The following UGT1A4 variants were observed in gnomAD, a reference collection of about 807,000 sequenced individuals.
UGT1A4 encodes UDP-glucuronosyltransferase 1A4.
In UGT1A4, 32 loss-of-function variants were observed where a neutral mutation model predicts 41.1. The ratio of observed to expected loss-of-function variants is 0.78; its 90% CI spans 0.59 to 1.05. The LOEUF is 1.05. Ranked by LOEUF, UGT1A4 falls within the 50% of genes least tolerant of loss-of-function variation. The probability of loss-of-function intolerance (pLI) is 0.00; values close to 1 mark genes in which losing one functional copy is unlikely to be tolerated. For missense variants in UGT1A4, 748 were observed against 677.4 expected (o/e 1.10, Z -1.16); for synonymous variants, 283 against 265.1 (o/e 1.07, Z -0.66).
Position 233,729,749 on chromosome 2 carries a change from T to C in UGT1A4, c.867+10062T>C, listed in dbSNP as rs747302247. On this transcript the variant is annotated intron_variant, in intron 1 of 4. Coordinates refer to ENST00000373409, the MANE Select transcript of UGT1A4 (RefSeq NM_007120.3). ...ACCAATTCAGACCACATGACATTCA[T>C]GCAAAGGGTCAAGAACATGCTCTAC... The C allele has an allele frequency of 6.2e-6, 10 of 1,613,882 alleles. No homozygotes were observed. In the Admixed American group the frequency reaches 8.3e-5, roughly 13 times the overall value.
intron 1 of UGT1A4, among the ~76,000 whole-genome samples, chr2:233,757,694 G>A (rs757732265): frequency 2.0e-5 from 3 of 151,666 alleles, no homozygotes; most frequent in Non-Finnish European, 4.4e-5. Flanking sequence ...ATTCAAGGAA[G>A]GTGGCTTTGC....
chr2:233,729,355 C>T (rs144116440), intron 1 of UGT1A4: 167 of 1,614,046 alleles, frequency 1.0e-4, no homozygotes, highest in Non-Finnish European at 4.3e-5. Context: ...CTTTTTCACC[C>T]TGACAACCTA....
chr2:233,760,224 G>A, intron 1 of UGT1A4: 1 of 1,586,310 alleles, frequency 6.3e-7, no homozygotes. Flanking sequence ...TGTATCGATT[G>A]GTTTTTGCCA....
intron 4 of UGT1A4, 76 bp from the exon 5 acceptor site, chr2:233,772,186 A>G (rs1281313129): frequency 2.5e-6 from 4 of 1,593,838 alleles, no homozygotes; most frequent in Non-Finnish European, 2.6e-6. Flanking sequence ...AGTCTTCTTA[A>G]GCAGCCATGA....
In UGT1A4 at chr2:233,772,200, TAAAG is replaced by T. The variant is rs1700482093; in HGVS notation, c.1308-60_1308-57del. On this transcript the variant is annotated intron_variant, in intron 4 of 4. Coordinates refer to ENST00000373409, the MANE Select transcript of UGT1A4 (RefSeq NM_007120.3). ...TAGTCTTCTTAAGCAGCCATGAGCATAAAGAGAGGATTGTTCATACCACAGGTGT... is the reference window on the plus strand; with the variant it reads ...TAGTCTTCTTAAGCAGCCATGAGCATAGAGGATTGTTCATACCACAGGTGT... The T allele has an allele frequency of 6.8e-6, 11 of 1,606,074 alleles. No individual in the cohort carries two copies. In the South Asian group the frequency reaches 1.0e-4, roughly 15 times the overall value.
chr2:233,761,815 G>A (rs928491400), intron 1 of UGT1A4, among the ~76,000 whole-genome samples: 1 of 152,190 alleles, frequency 6.6e-6, no homozygotes, highest in African/African-American at 2.4e-5. Context: ...GAACAGGAGA[G>A]GCTCCTTCAG....
chr2:233,725,324 T>TAACAA lies in UGT1A4; in HGVS notation c.867+5637_867+5638insAACAA, dbSNP rs1473131454. Among the ~76,000 whole-genome samples, 2 of 93,548 alleles carry TAACAA rather than the reference T, an allele frequency of 2.1e-5. 1 individual carries two copies. Among genetic ancestry groups the TAACAA allele is most frequent in the Non-Finnish European group, 4.5e-5 (2 of 44,118 alleles). 61.4% of individuals were successfully genotyped at this position (93,548 alleles called of 152,430 possible). A position where few individuals can be genotyped will look rare whatever the true frequency, so the allele number is the denominator to read the frequency against. ...CAGAGGCAGAGGCAGAGGCGCCTGG[T>TAACAA]CAACAATCTTAAGTCCAATAAGAAT... On this transcript the variant is annotated intron_variant, in intron 1 of 4. Coordinates refer to ENST00000373409, the MANE Select transcript of UGT1A4 (RefSeq NM_007120.3).
At chr2:233,748,100 CCAAT>C (rs1693866670) in intron 1 of UGT1A4, 1 of 1,612,644 alleles carries the variant, frequency 6.2e-7, no homozygotes, top group South Asian at 1.1e-5. Context: ...GTGCCTTCAT[CCAAT>C]CAATGTTCCA....
At chr2:233,757,560 A>ATATATATATATATG (rs904896556) in intron 1 of UGT1A4, among the ~76,000 whole-genome samples, 2 of 123,156 alleles carry the variant, frequency 1.6e-5, no homozygotes, top group African/African-American at 6.8e-5. Flanking sequence ...ATATATATAT[A>ATATATATATATATG]TGTATATATG....
chr2:233,768,508 A>G (rs1699630858), intron 4 of UGT1A4, 69 bp downstream of exon 4: 1 of 1,557,694 alleles, frequency 6.4e-7, no homozygotes, highest in South Asian at 1.2e-5. Flanking sequence ...AAATATGAAA[A>G]CATTTACGTA....
At position 233,773,221 on chromosome 2, in the gene UGT1A4, T is replaced by C. The variant is rs1191094075; in HGVS notation, c.*662T>C. ...ATTTGATAAAAACCCAAAATACAGC[T>C]ATGAAGTGCTGGGCAAGTTTACTTT... On this transcript the variant is annotated 3_prime_UTR_variant, in exon 5 of 5. Coordinates refer to ENST00000373409, the MANE Select transcript of UGT1A4 (RefSeq NM_007120.3). The C allele has an allele frequency of 6.6e-6, 1 of 152,384 alleles. No individual in the cohort carries two copies. The highest frequency in any genetic ancestry group is 2.4e-5 in the African/African-American group (1 of 41,462). 9.4% of individuals were successfully genotyped at this position (152,384 alleles called of 1,614,324 possible). A position where few individuals can be genotyped will look rare whatever the true frequency, so the allele number is the denominator to read the frequency against.
Position 233,719,524 on chromosome 2 carries a change from C to A in UGT1A4, c.704C>A (p.Ala235Asp). ...TTTTCTGCCCCTTATGCAAGTCTTG[C>A]CTCTGAGCTTTTTCAGAGAGAGGTG... is the stretch of plus-strand genomic sequence containing the variant. Reference protein sequence around the residue: ...HTFSAPYASLASELFQREVSV... With the variant: ...HTFSAPYASLDSELFQREVSV... The change falls in exon 1 of 5, where the codon GCC (alanine) becomes GAC (aspartate). Residue 235 changes from alanine to aspartate, a missense_variant. Transcript: ENST00000373409. 6.2e-7 allele frequency: 1 copy of A among 1,613,952 alleles called. No homozygotes were observed. The highest frequency in any genetic ancestry group is 1.1e-5 in the South Asian group (1 of 91,066).
chr2:233,751,623 T>C (rs985380326), intron 1 of UGT1A4, among the ~76,000 whole-genome samples: 2 of 152,166 alleles, frequency 1.3e-5, no homozygotes, highest in African/African-American at 4.8e-5. Context: ...GATTGGATCA[T>C]GTGTGCAGTT....
chr2:233,725,132 C>T (rs1359096570), intron 1 of UGT1A4, among the ~76,000 whole-genome samples: 15 of 135,486 alleles, frequency 1.1e-4, no homozygotes, highest in African/African-American at 4.2e-4. Flanking sequence ...GCCGAGATGG[C>T]AGCAGTACAG....
intron 1 of UGT1A4, chr2:233,729,089 G>T (rs373016756): frequency 1.2e-6 from 2 of 1,612,560 alleles, no homozygotes; most frequent in Non-Finnish European, 1.7e-6. Flanking sequence ...CAGGCACAGC[G>T]TGGGGTGGAC....
Position 233,724,954 on chromosome 2 carries a change from C to T in UGT1A4, c.867+5267C>T, listed in dbSNP as rs544768388. Among the ~76,000 whole-genome samples, 7 of 144,024 alleles carry T rather than the reference C, an allele frequency of 4.9e-5. No homozygotes were observed. In the South Asian group the frequency reaches 7.3e-4, roughly 15 times the overall value. 94.5% of individuals were successfully genotyped at this position (144,024 alleles called of 152,430 possible). Reference sequence around the variant, plus strand: ...GACTCCGTCTGCAATCCCGGCACCTCGGGAGGCCGAGGTTGGCGGATCACT... The same window carrying T: ...GACTCCGTCTGCAATCCCGGCACCTTGGGAGGCCGAGGTTGGCGGATCACT... On this transcript the variant is annotated intron_variant, in intron 1 of 4. Transcript: ENST00000373409.
chr2:233,721,754 C>A, intron 1 of UGT1A4: 1 of 457,794 alleles, frequency 2.2e-6, no homozygotes, highest in South Asian at 1.6e-5. Context: ...GAATCTACAT[C>A]TAAATTGTTA....
chr2:233,748,318 C>T (rs1693914102), intron 1 of UGT1A4, among the ~76,000 whole-genome samples: 1 of 151,718 alleles, frequency 6.6e-6, no homozygotes, highest in African/African-American at 2.4e-5. Context: ...TGGACTAGGA[C>T]TGATGTGACT....
At chr2:233,759,591 C>T (rs984696431) in intron 1 of UGT1A4, among the ~76,000 whole-genome samples, 2 of 147,100 alleles carry the variant, frequency 1.4e-5, no homozygotes, top group Non-Finnish European at 3.0e-5. Context: ...GCACGCCCCC[C>T]ACCCCCGACC....
Sources: gnomAD v4.1 joint callset for allele counts (sites outside exome capture counted in the v4.1 genomes callset) on GRCh38, gnomAD v4.1.1 for gene constraint, MANE v1.5 for transcripts, NCBI Gene and HGNC (gene_info 2026-07-23, HGNC 2026-07-21) for gene names.